The following ABL1 variants were observed in gnomAD, a reference collection of about 807,000 sequenced individuals.
The protein encoded by ABL1 is tyrosine-protein kinase ABL1.
In ABL1, 11 loss-of-function variants were observed where a neutral mutation model predicts 94.7. The ratio of observed to expected loss-of-function variants is 0.12; its 90% CI spans 0.07 to 0.19. The LOEUF is 0.19. ABL1 is among the 10% of genes least tolerant of loss of function. The probability of loss-of-function intolerance (pLI) is 1.00; values close to 1 mark genes in which losing one functional copy is unlikely to be tolerated. For missense variants in ABL1, 1,082 were observed against 1,489.4 expected (o/e 0.73, Z 4.50); for synonymous variants, 656 against 622.4 (o/e 1.05, Z -0.80).
chr9:130,817,281 C>T (rs189434948), intron 1 of ABL1, among the ~76,000 whole-genome samples: 1 of 152,190 alleles, frequency 6.6e-6, no homozygotes. Context: ...ATCTGCTAGC[C>T]GTAATAAAGA....
rs143311646 is a variant in ABL1, at chr9:130,714,801, G to A, written c.136+346G>A. ...CTGGTTCTATGATTCTGCTCTAACC[G>A]AAGTCGTGGGCTCTTCTGACAAGCA... On this transcript the variant is annotated intron_variant, in intron 1 of 10. Transcript: ENST00000372348. Among the ~76,000 whole-genome samples the A allele has an allele frequency of 3.8e-3, 574 of 152,260 alleles. 2 individuals carry two copies. The highest frequency in any genetic ancestry group is 0.013 in the African/African-American group (542 of 41,548).
In ABL1 at chr9:130,885,355, T is replaced by C; in HGVS notation, c.3065T>C (p.Ile1022Thr). 1 of 1,613,694 alleles carries C rather than the reference T, an allele frequency of 6.2e-7. No individual in the cohort carries two copies. The highest frequency in any genetic ancestry group is 1.1e-5 in the South Asian group (1 of 91,084). Residue 1022 changes from isoleucine to threonine, a missense_variant, in exon 11 of 11, where the codon ATC becomes ACC. Transcript: ENST00000318560. ...AAAACCCGCCAGCCTCCAGAGCGGATCGCCAGCGGCGCCATCACCAAGGGC... is the reference window on the plus strand; with the variant it reads ...AAAACCCGCCAGCCTCCAGAGCGGACCGCCAGCGGCGCCATCACCAAGGGC... The part of the protein sequence containing the change: ...LRKTRQPPER[I>T]ASGAITKGVV...
At chr9:130,771,474 C>T (rs971038805) in intron 1 of ABL1, among the ~76,000 whole-genome samples, 2 of 152,082 alleles carry the variant, frequency 1.3e-5, no homozygotes, top group Non-Finnish European at 2.9e-5. Context: ...CTTTCTTAGG[C>T]ATTATGACAT....
chr9:130,713,390 T>C (rs922747070), exon 1 of ABL1, among the ~76,000 whole-genome samples: 2 of 152,178 alleles, frequency 1.3e-5, no homozygotes, highest in African/African-American at 4.8e-5. Flanking sequence ...GCGGGTGGTC[T>C]GTTTCCCCCA....
intron 1 of ABL1, among the ~76,000 whole-genome samples, chr9:130,790,948 G>A (rs977141770): frequency 5.4e-4 from 82 of 152,272 alleles, no homozygotes; most frequent in African/African-American, 1.9e-3. Flanking sequence ...GGGGAGAGGT[G>A]GAGTCTTTTA....
chr9:130,719,011 A>G (rs1831482176), intron 1 of ABL1, among the ~76,000 whole-genome samples: 1 of 152,170 alleles, frequency 6.6e-6, no homozygotes, highest in South Asian at 2.1e-4. Flanking sequence ...TTTGAAAATC[A>G]TTATTTATGG....
chr9:130,728,066 T>C (rs1831611823), intron 1 of ABL1, among the ~76,000 whole-genome samples: 1 of 151,868 alleles, frequency 6.6e-6, no homozygotes, highest in Non-Finnish European at 1.5e-5. Context: ...GCCTCTTTTT[T>C]TGTTTGTTTG....
chr9:130,755,500 C>T (rs1430377991), intron 1 of ABL1, among the ~76,000 whole-genome samples: 1 of 152,152 alleles, frequency 6.6e-6, no homozygotes, highest in African/African-American at 2.4e-5. Context: ...ATGTGTTGCT[C>T]ACTCATCACT....
chr9:130,788,073 A>C (rs1829854888), intron 1 of ABL1, among the ~76,000 whole-genome samples: 1 of 152,222 alleles, frequency 6.6e-6, no homozygotes, highest in Non-Finnish European at 1.5e-5. Flanking sequence ...CAGCAGAATT[A>C]TGTAAGTAAA....
chr9:130,715,505 T>G (rs570657383), intron 1 of ABL1, among the ~76,000 whole-genome samples: 1 of 152,368 alleles, frequency 6.6e-6, no homozygotes, highest in East Asian at 1.9e-4. Context: ...AAATATTCAC[T>G]TCATCTAAAT....
At chr9:130,769,258 A>T (rs28731032) in intron 1 of ABL1, among the ~76,000 whole-genome samples, 32,956 of 151,126 alleles carry the variant, frequency 0.22, 4,199 homozygotes, top group Middle Eastern at 0.31. Flanking sequence ...CAGTTTAATC[A>T]GTTGTTGTTT....
chr9:130,751,680 T>C (rs1208144444), intron 1 of ABL1, among the ~76,000 whole-genome samples: 2 of 152,112 alleles, frequency 1.3e-5, no homozygotes, highest in Non-Finnish European at 2.9e-5. Flanking sequence ...CCAGGTATGG[T>C]CAGCCAGCAA....
In ABL1 at chr9:130,733,747, C is replaced by T. The variant is rs1285458637; in HGVS notation, c.136+19292C>T. Among the ~76,000 whole-genome samples, 4 of 151,796 alleles carry T rather than the reference C, an allele frequency of 2.6e-5. No homozygotes were observed. The South Asian group carries it at 6.2e-4, about 24-fold the overall frequency. On this transcript the variant is annotated intron_variant, in intron 1 of 10. Transcript: ENST00000372348. The stretch of plus-strand genomic sequence containing the variant: ...GCGCCCGCCACCGCGCCTGCCACCA[C>T]GCCCGGCTAACTTTTTGTATTTTTA...
chr9:130,822,802 TTC>T, intron 1 of ABL1, among the ~76,000 whole-genome samples: 1 of 151,994 alleles, frequency 6.6e-6, no homozygotes, highest in East Asian at 1.9e-4. Flanking sequence ...TGGGTACAAG[TTC>T]TTTTTTTTTT....
chr9:130,770,223 A>G (rs953511909), intron 1 of ABL1, among the ~76,000 whole-genome samples: 23 of 151,976 alleles, frequency 1.5e-4, no homozygotes, highest in Admixed American at 3.9e-4. Flanking sequence ...TAAGATTTAT[A>G]AGACTGGGTA....
At chr9:130,859,724 A>C (rs1831037929) in intron 3 of ABL1, among the ~76,000 whole-genome samples, 1 of 111,962 alleles carries the variant, frequency 8.9e-6, no homozygotes, top group African/African-American at 3.5e-5. Context: ...GCTGTCACCC[A>C]GGCTGGAGTA....
intron 1 of ABL1, among the ~76,000 whole-genome samples, chr9:130,763,956 G>A (rs1305743227): frequency 6.6e-6 from 1 of 152,144 alleles, no homozygotes; most frequent in Non-Finnish European, 1.5e-5. Context: ...CAGCACAAGG[G>A]GAACATGAAC....
At chr9:130,871,876 C>T (rs546677481) in intron 4 of ABL1, among the ~76,000 whole-genome samples, 1 of 152,322 alleles carries the variant, frequency 6.6e-6, no homozygotes, top group African/African-American at 2.4e-5. Flanking sequence ...AGCAGGTTGT[C>T]GGCACATGCA....
chr9:130,762,186 A>G (rs955330868), intron 1 of ABL1, among the ~76,000 whole-genome samples: 3 of 151,856 alleles, frequency 2.0e-5, no homozygotes, highest in East Asian at 1.9e-4. Context: ...GAGATGCTGA[A>G]GAAGGTAACA....
Sources: allele counts gnomAD v4.1 joint callset (sites outside exome capture counted in the v4.1 genomes callset), GRCh38; gene constraint gnomAD v4.1.1; transcripts MANE v1.5; gene names NCBI Gene and HGNC (gene_info 2026-07-23, HGNC 2026-07-21).